The following GPATCH2L variants were observed in gnomAD, a reference collection of about 807,000 sequenced individuals.
GPATCH2L encodes G patch domain-containing protein 2-like.
GPATCH2L carries 31 observed loss-of-function variants against 57.4 expected under a neutral mutation model. That is an observed-to-expected ratio of 0.54 (90% confidence interval 0.41 to 0.73). GPATCH2L has a LOEUF of 0.73. Among genes scored for constraint, GPATCH2L ranks in the 30% least tolerant of loss-of-function variants. The pLI, the probability that GPATCH2L is intolerant of heterozygous loss-of-function variation, is 0.00. For missense variants in GPATCH2L, 481 were observed against 599.9 expected, an observed-to-expected ratio of 0.80 and a Z score of 2.07; for synonymous variants, 199 against 210.7, an observed-to-expected ratio of 0.94 and a Z score of 0.48.
chr14:76,177,713 GT>G (rs56373570), intron 6 of GPATCH2L, among the ~76,000 whole-genome samples: 1 of 121,950 alleles, frequency 8.2e-6, no homozygotes, highest in African/African-American at 3.0e-5. Flanking sequence ...TTTTGTTTTT[GT>G]TTTTGCAAAA....
intron 2 of GPATCH2L, among the ~76,000 whole-genome samples, chr14:76,155,263 G>A (rs537495820): frequency 2.6e-5 from 4 of 152,256 alleles, no homozygotes; most frequent in East Asian, 1.9e-4. Flanking sequence ...TGTTTAAAAC[G>A]CGTACCTCAA....
rs1446713734 is a variant in GPATCH2L, at chr14:76,172,010, G to C, written c.895G>C (p.Ala299Pro). ...CACATTCCTTTTACCTTCTCGGCCA[G>C]CTCAAAGAGGTGAGTTCTGAGGAGA... ...DSTFLLPSRP[A>P]QRGYHTRLNR... is the part of the protein sequence containing the mutation. Residue 299 changes from alanine to proline, a missense_variant, in exon 4 of 10, where the codon GCT (alanine) becomes CCT (proline). By Grantham distance (27) the Ala-to-Pro change is conservative. Transcript: ENST00000261530. 6.2e-7 allele frequency: 1 copy of C among 1,605,770 alleles called. No homozygotes were observed. The highest frequency in any genetic ancestry group is 1.3e-5 in the African/African-American group (1 of 74,526).
At chr14:76,227,852 T>C (rs187399061) in intron 1 of GPATCH2L, among the ~76,000 whole-genome samples, 3 of 152,244 alleles carry the variant, frequency 2.0e-5, no homozygotes, top group Admixed American at 2.0e-4. Context: ...GAATCCTACG[T>C]AGAATCAGAG....
chr14:76,186,830 C>T (rs927984463), intron 8 of GPATCH2L, among the ~76,000 whole-genome samples: 17 of 152,158 alleles, frequency 1.1e-4, no homozygotes, highest in Admixed American at 2.0e-4. Context: ...CTCTTATGGG[C>T]GGCATGAAAC....
rs2040348819 is a variant in GPATCH2L at position 76,204,152 on chromosome 14, T to G, written c.*2301T>G. On this transcript the variant is annotated 3_prime_UTR_variant, in exon 10 of 10. Transcript: ENST00000261530. ...TAAGCCAGGACTAGAATCCCAGACTTTCAGATTTTCTCTGCCCTGGGTTAT... is the reference window on the plus strand; with the variant it reads ...TAAGCCAGGACTAGAATCCCAGACTGTCAGATTTTCTCTGCCCTGGGTTAT... 1 of 152,196 alleles carries G rather than the reference T, an allele frequency of 6.6e-6. No homozygotes were observed. The allele number at this position is 152,196 out of a possible 1,614,324, so 9.4% of individuals were successfully genotyped here.
chr14:76,153,583 A>G (rs545053611), intron 1 of GPATCH2L: 1 of 152,352 alleles, frequency 6.6e-6, no homozygotes, highest in Non-Finnish European at 1.5e-5. Context: ...TAGGACCAAC[A>G]TTTATTTTCT....
intron 2 of GPATCH2L, among the ~76,000 whole-genome samples, chr14:76,163,528 A>G (rs1354105618): frequency 6.6e-6 from 1 of 152,158 alleles, no homozygotes; most frequent in African/African-American, 2.4e-5. Context: ...AAATGAAGAT[A>G]GGTTTGCATC....
At position 76,154,993 on chromosome 14, in the gene GPATCH2L, A is replaced by G. The variant is rs778689856; in HGVS notation, c.630A>G (p.Gln210=). ...KERMECETDE[Q]KQGSDENMSE... ...GGATGGAGTGTGAAACAGATGAACA[A>G]AAACAGGGCTCTGATGAGAACATGT... The change falls in exon 2 of 10, where the codon CAA becomes CAG. Residue 210 remains glutamine, a synonymous_variant. Transcript: ENST00000261530. This position sits in a 1 kb window ranked among gnomAD's most constrained non-coding sequence, Gnocchi z 4.4. 1 of 1,613,282 alleles carries G rather than the reference A, an allele frequency of 6.2e-7. No homozygotes were observed. Among genetic ancestry groups the G allele is most frequent in the South Asian group, 1.1e-5 (1 of 91,082 alleles).
chr14:76,173,647 T>G (rs770036194), intron 5 of GPATCH2L, 22 bp downstream of exon 5: 1 of 1,438,272 alleles, frequency 7.0e-7, no homozygotes. Context: ...CACAGTTAGC[T>G]TGGCTCAGTG....
chr14:76,160,016 C>T (rs1328467013), intron 2 of GPATCH2L, among the ~76,000 whole-genome samples: 1 of 152,104 alleles, frequency 6.6e-6, no homozygotes, highest in Non-Finnish European at 1.5e-5. Context: ...CGCCTGTAGT[C>T]CCAGCTACTC....
At chr14:76,190,990 C>T (rs945933935) in intron 8 of GPATCH2L, among the ~76,000 whole-genome samples, 8 of 152,122 alleles carry the variant, frequency 5.3e-5, no homozygotes, top group Admixed American at 3.3e-4. Flanking sequence ...CTTCCCTTAA[C>T]GTATTACATG....
intron 8 of GPATCH2L, among the ~76,000 whole-genome samples, chr14:76,183,740 G>A (rs1487220191): frequency 6.6e-6 from 1 of 152,142 alleles, no homozygotes; most frequent in Non-Finnish European, 1.5e-5. Flanking sequence ...CCCAGCAAGG[G>A]GTTAGTGAAG....
chr14:76,224,694 A>T (rs1402988622), intron 1 of GPATCH2L, among the ~76,000 whole-genome samples: 1 of 152,200 alleles, frequency 6.6e-6, no homozygotes, highest in African/African-American at 2.4e-5. Flanking sequence ...CAATAAGGCA[A>T]GGAAAAGAAG....
At chr14:76,195,076 TTTGTG>T (rs1237773023) in intron 8 of GPATCH2L, among the ~76,000 whole-genome samples, 1 of 152,142 alleles carries the variant, frequency 6.6e-6, no homozygotes, top group Non-Finnish European at 1.5e-5. Context: ...CAAGGAACAC[TTTGTG>T]TAAAGGTGAG....
At chr14:76,170,018 C>T (rs2039014239) in intron 3 of GPATCH2L, among the ~76,000 whole-genome samples, 1 of 152,102 alleles carries the variant, frequency 6.6e-6, no homozygotes. Flanking sequence ...TTAACAAGCC[C>T]TCCTGCTGCT....
At chr14:76,224,849 G>A (rs2139868110) in intron 1 of GPATCH2L, among the ~76,000 whole-genome samples, 1 of 152,168 alleles carries the variant, frequency 6.6e-6, no homozygotes, top group Non-Finnish European at 1.5e-5. Context: ...TTATATATCT[G>A]CAATATTCAG....
At chr14:76,223,480 T>C (rs1026529316) in intron 1 of GPATCH2L, among the ~76,000 whole-genome samples, 8 of 152,182 alleles carry the variant, frequency 5.3e-5, no homozygotes, top group Non-Finnish European at 1.0e-4. Context: ...AGAAAACATT[T>C]AGAAGAAAAC....
intron 2 of GPATCH2L, among the ~76,000 whole-genome samples, chr14:76,230,613 C>T (rs144819828): frequency 8.1e-4 from 124 of 152,156 alleles, no homozygotes; most frequent in Non-Finnish European, 1.5e-3. Flanking sequence ...TAATAAAATG[C>T]AATGCATTAT....
intron 1 of GPATCH2L, among the ~76,000 whole-genome samples, chr14:76,220,962 T>C (rs1457119417): frequency 6.6e-6 from 1 of 150,710 alleles, no homozygotes; most frequent in African/African-American, 2.4e-5. Flanking sequence ...TCTCAAAAAG[T>C]AGAAAAAGGA....
Sources: gnomAD v4.1 joint callset for allele counts (sites outside exome capture counted in the v4.1 genomes callset) on GRCh38, gnomAD v4.1.1 for gene constraint, Gnocchi (gnomAD v3.1) non-coding constraint, MANE v1.5 for transcripts, NCBI Gene and HGNC (gene_info 2026-07-23, HGNC 2026-07-21) for gene names.